ARMH4: variants seen among roughly 807,000 people sequenced by gnomAD.
The protein encoded by ARMH4 is armadillo like helical domain containing 4, also known as armadillo-like helical domain-containing protein 4.
In ARMH4, 49 loss-of-function variants were observed where a neutral mutation model predicts 61.9. The ratio of observed to expected loss-of-function variants is 0.79; its 90% confidence interval spans 0.63 to 1.00. ARMH4 has a LOEUF of 1.00. Ranked by LOEUF, ARMH4 falls within the 50% of genes least tolerant of loss-of-function variation. ARMH4 has a pLI of 0.00. For synonymous variants in ARMH4, 368 were observed against 341.5 expected, an observed-to-expected ratio of 1.08 and a Z score of -0.85; for missense variants, 934 against 930.0, an observed-to-expected ratio of 1.00 and a Z score of -0.06.
intron 5 of ARMH4, among the ~76,000 whole-genome samples, chr14:58,023,441 CA>C (rs929855852): frequency 1.3e-5 from 2 of 152,176 alleles, no homozygotes; most frequent in Non-Finnish European, 2.9e-5. Flanking sequence ...GAGACTGCAG[CA>C]ATTCAGTCAC....
chr14:58,133,267 C>A lies in ARMH4; in HGVS notation c.1444G>T (p.Val482Phe). 1.2e-6 allele frequency: 2 copies of A among 1,614,062 alleles called. No homozygotes were observed. The highest frequency in any genetic ancestry group is 2.2e-5 in the South Asian group (2 of 91,086). Residue 482 changes from valine (V) to phenylalanine (F), a missense_variant, in exon 3 of 8, where the codon GTT becomes TTT. Val to Phe is a conservative substitution (Grantham distance 50). Coordinates refer to ENST00000267485, the MANE Select transcript of ARMH4 (RefSeq NM_001001872.4). Reference sequence around the variant, plus strand: ...TCTCTGATAAGCTCGAGGGTAGCAACCTGCTCTTGTGTCACCATGGATAAA... The same window carrying A: ...TCTCTGATAAGCTCGAGGGTAGCAAACTGCTCTTGTGTCACCATGGATAAA... ...ATLSMVTQEQ[V>F]ATLELIRDSG...
chr14:58,070,555 A>T (rs1051877589), intron 5 of ARMH4, among the ~76,000 whole-genome samples: 2 of 152,200 alleles, frequency 1.3e-5, no homozygotes, highest in African/African-American at 2.4e-5. Context: ...AATTTCCTGG[A>T]CATAAAAATG....
chr14:58,052,957 C>T (rs971619926), intron 5 of ARMH4, among the ~76,000 whole-genome samples: 1 of 152,164 alleles, frequency 6.6e-6, no homozygotes, highest in African/African-American at 2.4e-5. Context: ...ACCTGCACAC[C>T]TGCATCATCC....
intron 5 of ARMH4, among the ~76,000 whole-genome samples, chr14:58,043,025 A>C (rs1409747539): frequency 6.6e-6 from 1 of 152,236 alleles, no homozygotes; most frequent in Non-Finnish European, 1.5e-5. Flanking sequence ...TACCACAGGT[A>C]CAAGGAGGAG....
At chr14:58,094,091 A>T (rs908940164) in intron 5 of ARMH4, among the ~76,000 whole-genome samples, 1 of 152,140 alleles carries the variant, frequency 6.6e-6, no homozygotes, top group African/African-American at 2.4e-5. Context: ...GCACTTTGGG[A>T]GGCCACGGCG....
chr14:58,012,573 G>A (rs980348670), intron 5 of ARMH4, among the ~76,000 whole-genome samples: 11 of 152,176 alleles, frequency 7.2e-5, no homozygotes, highest in Non-Finnish European at 1.6e-4. Context: ...GATTAAGGGA[G>A]GAAGGGAAAA....
intron 6 of ARMH4, among the ~76,000 whole-genome samples, chr14:58,009,412 T>C (rs1882302734): frequency 6.6e-6 from 1 of 152,104 alleles, no homozygotes; most frequent in African/African-American, 2.4e-5. Flanking sequence ...GAGGTGACCT[T>C]GGGAATGAAG....
At chr14:58,069,393 C>A (rs960921450) in intron 5 of ARMH4, among the ~76,000 whole-genome samples, 6 of 152,176 alleles carry the variant, frequency 3.9e-5, no homozygotes, top group African/African-American at 1.4e-4. Context: ...TCTCATATGA[C>A]AGACATTTAA....
chr14:58,032,159 A>T (rs938923020), intron 5 of ARMH4, among the ~76,000 whole-genome samples: 3 of 152,098 alleles, frequency 2.0e-5, no homozygotes, highest in Non-Finnish European at 4.4e-5. Context: ...CCTACACTAG[A>T]TCTCTCATCT....
chr14:58,102,637 C>T (rs1264386889), intron 4 of ARMH4, among the ~76,000 whole-genome samples: 1 of 148,818 alleles, frequency 6.7e-6, no homozygotes. Context: ...AGGTGAAACC[C>T]CGTCTCTACT....
intron 5 of ARMH4, among the ~76,000 whole-genome samples, chr14:58,064,391 T>G (rs1205960917): frequency 6.6e-6 from 1 of 152,180 alleles, no homozygotes; most frequent in Non-Finnish European, 1.5e-5. Context: ...CACTACAATA[T>G]TGGAGGCAAA....
At chr14:58,053,816 A>G (rs1255545338) in intron 5 of ARMH4, among the ~76,000 whole-genome samples, 1 of 152,134 alleles carries the variant, frequency 6.6e-6, no homozygotes, top group Non-Finnish European at 1.5e-5. Flanking sequence ...GAGAATGTTC[A>G]CATGTGCTAC....
At chr14:58,062,246 T>C (rs1368399584) in intron 5 of ARMH4, among the ~76,000 whole-genome samples, 3 of 151,996 alleles carry the variant, frequency 2.0e-5, no homozygotes, top group African/African-American at 7.2e-5. Context: ...GAGGCTGAGG[T>C]AGGAGGAACA....
chr14:58,023,115 C>A (rs1050907263), intron 5 of ARMH4, among the ~76,000 whole-genome samples: 2 of 152,144 alleles, frequency 1.3e-5, no homozygotes, highest in Admixed American at 1.3e-4. Context: ...TTGCTGAAGG[C>A]AGGGGTAGCT....
chr14:58,008,315 C>A (rs997014411), intron 6 of ARMH4, among the ~76,000 whole-genome samples: 4 of 152,098 alleles, frequency 2.6e-5, no homozygotes, highest in Non-Finnish European at 5.9e-5. Flanking sequence ...AAACAGCAGG[C>A]GCATCCAGGT....
chr14:58,089,172 T>C (rs1885477823), intron 5 of ARMH4, among the ~76,000 whole-genome samples: 1 of 152,198 alleles, frequency 6.6e-6, no homozygotes, highest in Non-Finnish European at 1.5e-5. Flanking sequence ...CTTAATTATG[T>C]TAGTCTTGGC....
At chr14:58,079,389 T>C (rs889251070) in intron 5 of ARMH4, among the ~76,000 whole-genome samples, 1 of 151,688 alleles carries the variant, frequency 6.6e-6, no homozygotes, top group Non-Finnish European at 1.5e-5. Flanking sequence ...GAAAAGGGGG[T>C]TGCACTCCCG....
chr14:58,083,901 T>A (rs894993165), intron 5 of ARMH4, among the ~76,000 whole-genome samples: 2 of 152,222 alleles, frequency 1.3e-5, no homozygotes, highest in Non-Finnish European at 2.9e-5. Context: ...GGCTTCTTCA[T>A]TAATAACGAG....
At chr14:58,044,855 G>T (rs530229456) in intron 5 of ARMH4, among the ~76,000 whole-genome samples, 201 of 152,318 alleles carry the variant, frequency 1.3e-3, no homozygotes, top group African/African-American at 4.7e-3. Context: ...ACAGACACAT[G>T]AAAAAATGCT....
Sources: allele counts gnomAD v4.1 joint callset (sites outside exome capture counted in the v4.1 genomes callset), GRCh38; gene constraint gnomAD v4.1.1; transcripts MANE v1.5; gene names NCBI Gene and HGNC (gene_info 2026-07-23, HGNC 2026-07-21).